DOK5: variants seen among roughly 807,000 people sequenced by gnomAD.
DOK5 encodes the protein docking protein 5, also known as downstream of tyrosine kinase 5.
Under a neutral mutation model 43.3 loss-of-function variants are expected in DOK5, and 27 were observed. That is an observed-to-expected ratio of 0.62 (90% CI 0.46 to 0.86). The LOEUF (loss-of-function observed/expected upper bound fraction) is 0.86. Among genes scored for constraint, DOK5 ranks in the 40% least tolerant of loss-of-function variants. DOK5 has a pLI of 0.00. For missense variants in DOK5, 373 were observed against 392.9 expected (o/e 0.95, Z 0.43); for synonymous variants, 146 against 140.1 (o/e 1.04, Z -0.30).
At chr20:54,560,430 A>C (rs901966225) in intron 2 of DOK5, among the ~76,000 whole-genome samples, 14 of 152,336 alleles carry the variant, frequency 9.2e-5, no homozygotes, top group Non-Finnish European at 1.9e-4. Flanking sequence ...CCAGGTGATA[A>C]ATAATTCCAT....
intron 1 of DOK5, among the ~76,000 whole-genome samples, chr20:54,546,246 C>T (rs1984339291): frequency 6.6e-6 from 1 of 152,128 alleles, no homozygotes; most frequent in Non-Finnish European, 1.5e-5. Flanking sequence ...CTCAGCATTC[C>T]ACAGTGCGCA....
chr20:54,599,711 T>C (rs1427822888), intron 5 of DOK5, among the ~76,000 whole-genome samples: 1 of 152,224 alleles, frequency 6.6e-6, no homozygotes, highest in African/African-American at 2.4e-5. Context: ...ATCTTTAATG[T>C]AGGTGATGGC....
intron 2 of DOK5, among the ~76,000 whole-genome samples, chr20:54,575,887 A>G (rs1985437669): frequency 6.6e-6 from 1 of 152,246 alleles, no homozygotes; most frequent in African/African-American, 2.4e-5. Flanking sequence ...TCCAAAAATA[A>G]AAGTAGCGAA....
intron 2 of DOK5, among the ~76,000 whole-genome samples, chr20:54,565,630 T>C (rs2146741320): frequency 6.6e-6 from 1 of 152,300 alleles, no homozygotes; most frequent in East Asian, 1.9e-4. Flanking sequence ...AAACATAATC[T>C]ACATGTATAT....
intron 2 of DOK5, among the ~76,000 whole-genome samples, chr20:54,574,251 T>C (rs1221522533): frequency 6.6e-6 from 1 of 152,042 alleles, no homozygotes; most frequent in Admixed American, 6.5e-5. Flanking sequence ...TCAATAGGAC[T>C]AGATAGACAC....
rs972305495 is a variant in DOK5 at position 54,514,897 on chromosome 20, G to A, written c.66+38885G>A. On this transcript the variant is annotated intron_variant, in intron 1 of 7. Coordinates refer to ENST00000262593, the MANE Select transcript of DOK5 (RefSeq NM_018431.5). ...CCTTCCTCCTTCCATCCTTCTTTCC[G>A]TCCCTCCCTTCTTCTCTTCTTCCTT... 3.3e-5 allele frequency among the ~76,000 whole-genome samples: 5 copies of A among 149,744 alleles called. No individual in the cohort carries two copies. The South Asian group carries it at 8.6e-4, about 26-fold the overall frequency.
intron 1 of DOK5, among the ~76,000 whole-genome samples, chr20:54,543,571 A>T: frequency 8.4e-6 from 1 of 119,696 alleles, no homozygotes; most frequent in Non-Finnish European, 1.7e-5. Context: ...GTGTGTGTGT[A>T]TGTGTGTGTG....
intron 2 of DOK5, among the ~76,000 whole-genome samples, chr20:54,576,214 C>T (rs1411066673): frequency 6.6e-6 from 1 of 151,952 alleles, no homozygotes; most frequent in Non-Finnish European, 1.5e-5. Flanking sequence ...AATCCAACTT[C>T]GTATTTCTTA....
chr20:54,492,367 G>A lies in DOK5; in HGVS notation c.66+16355G>A, dbSNP rs6023286. 3.9e-5 allele frequency among the ~76,000 whole-genome samples: 6 copies of A among 151,994 alleles called. No individual in the cohort carries two copies. In the South Asian group the frequency reaches 1.0e-3, roughly 26 times the overall value. The stretch of plus-strand genomic sequence containing the variant: ...TATTATATACTTTGTCCCTTTTAAC[G>A]TATGTTGAAACACTTTTCAAAAATT... On this transcript the variant is annotated intron_variant, in intron 1 of 7. Transcript: ENST00000262593.
intron 6 of DOK5, among the ~76,000 whole-genome samples, chr20:54,617,011 C>T (rs904233333): frequency 6.6e-5 from 10 of 152,012 alleles, no homozygotes; most frequent in Admixed American, 1.3e-4. Flanking sequence ...AGGATGGTCT[C>T]GATCTCCTGA....
chr20:54,643,113 G>A (rs1979201199), intron 6 of DOK5, among the ~76,000 whole-genome samples: 1 of 152,206 alleles, frequency 6.6e-6, no homozygotes, highest in South Asian at 2.1e-4. Flanking sequence ...TGCTAACAAT[G>A]TCTCAGTAAA....
At chr20:54,628,472 A>AG (rs1202721531) in intron 6 of DOK5, among the ~76,000 whole-genome samples, 1 of 145,810 alleles carries the variant, frequency 6.9e-6, no homozygotes, top group African/African-American at 2.5e-5. Flanking sequence ...TAACACAAAG[A>AG]GGAATGCAGC....
At chr20:54,581,697 T>G (rs1224657632) in intron 2 of DOK5, among the ~76,000 whole-genome samples, 2 of 151,994 alleles carry the variant, frequency 1.3e-5, no homozygotes, top group African/African-American at 4.8e-5. Flanking sequence ...TGTTTATTGT[T>G]AGTGTATAGA....
intron 6 of DOK5, among the ~76,000 whole-genome samples, chr20:54,638,966 C>A (rs1378500854): frequency 1.3e-5 from 2 of 152,078 alleles, no homozygotes. Context: ...CAGGCAGGAG[C>A]CACTGCGCCC....
chr20:54,620,515 A>G (rs185736679), intron 6 of DOK5, among the ~76,000 whole-genome samples: 86 of 152,362 alleles, frequency 5.6e-4, no homozygotes, highest in Non-Finnish European at 1.0e-3. Context: ...CTGGGATTAC[A>G]GGCATGAGCC....
chr20:54,602,861 A>T (rs569946863), intron 5 of DOK5, among the ~76,000 whole-genome samples: 5 of 152,152 alleles, frequency 3.3e-5, no homozygotes, highest in African/African-American at 9.6e-5. Flanking sequence ...TTTAGTAGAG[A>T]TGGGGTTTCA....
chr20:54,520,157 C>T (rs777299429), intron 1 of DOK5, among the ~76,000 whole-genome samples: 1 of 152,170 alleles, frequency 6.6e-6, no homozygotes, highest in Admixed American at 6.6e-5. Context: ...AAACCCTCCC[C>T]GTAAGTCCTT....
chr20:54,561,205 C>G (rs372635901), intron 2 of DOK5, among the ~76,000 whole-genome samples: 1 of 152,142 alleles, frequency 6.6e-6, no homozygotes, highest in East Asian at 1.9e-4. Context: ...CTGCTGGGCC[C>G]CCTCTGCCTG....
At chr20:54,568,529 A>T (rs573117787) in intron 2 of DOK5, among the ~76,000 whole-genome samples, 1 of 152,260 alleles carries the variant, frequency 6.6e-6, no homozygotes, top group Non-Finnish European at 1.5e-5. Context: ...TCTATTGACA[A>T]AAGATGGAAA....
Sources: allele counts gnomAD v4.1 joint callset (sites outside exome capture counted in the v4.1 genomes callset), GRCh38; gene constraint gnomAD v4.1.1; transcripts MANE v1.5; gene names NCBI Gene and HGNC (gene_info 2026-07-23, HGNC 2026-07-21).